The following CHCHD3 variants were observed in gnomAD, a reference collection of about 807,000 sequenced individuals.
CHCHD3 encodes coiled-coil-helix-coiled-coil-helix domain containing 3, also known as MICOS complex subunit MIC19.
CHCHD3 carries 20 observed loss-of-function variants against 38.2 expected under a neutral mutation model. That is an observed-to-expected ratio of 0.52 (90% CI 0.37 to 0.76). The LOEUF (loss-of-function observed/expected upper bound fraction) is 0.76, where lower values mean the gene tolerates loss of function less well. CHCHD3 is among the 30% of genes least tolerant of loss of function. CHCHD3 has a pLI of 0.00. For missense variants in CHCHD3, 245 were observed against 279.2 expected (o/e 0.88, Z 0.87); for synonymous variants, 82 against 100.0 (o/e 0.82, Z 1.07).
intron 4 of CHCHD3, among the ~76,000 whole-genome samples, chr7:132,892,998 C>T (rs892833016): frequency 1.1e-4 from 17 of 152,206 alleles, no homozygotes; most frequent in African/African-American, 1.9e-4. Flanking sequence ...GGAGCCCCCA[C>T]GCAGAGTCCC....
At chr7:132,808,723 G>A (rs1156755402) in intron 6 of CHCHD3, among the ~76,000 whole-genome samples, 1 of 139,550 alleles carries the variant, frequency 7.2e-6, no homozygotes, top group Non-Finnish European at 1.6e-5. Flanking sequence ...TTCTTTTGTT[G>A]TTATTTATTT....
intron 4 of CHCHD3, among the ~76,000 whole-genome samples, chr7:132,970,879 G>A (rs1811596683): frequency 2.0e-5 from 3 of 152,078 alleles, no homozygotes; most frequent in Non-Finnish European, 4.4e-5. Flanking sequence ...GGGAGACCAA[G>A]GCAGAAGGAT....
At chr7:133,073,025 C>T (rs1238315665) in intron 1 of CHCHD3, among the ~76,000 whole-genome samples, 1 of 152,092 alleles carries the variant, frequency 6.6e-6, no homozygotes, top group Non-Finnish European at 1.5e-5. Context: ...CTTTTACCCT[C>T]AGTGCAACAG....
chr7:132,796,974 G>A (rs568803201), intron 6 of CHCHD3, among the ~76,000 whole-genome samples: 33 of 152,214 alleles, frequency 2.2e-4, no homozygotes, highest in African/African-American at 7.2e-4. Flanking sequence ...TCGTTACATT[G>A]CTTCCAAGTG....
chr7:133,035,893 G>C lies in CHCHD3; in HGVS notation c.170-11266C>G. The stretch of plus-strand genomic sequence containing the variant: ...GCCTTGAAGGCCCTCCAGTTTTCAG[G>C]ATACGTGTACAGGGTCCCAGCCGCC... On this transcript the variant is annotated intron_variant, in intron 2 of 7. Transcript: ENST00000262570. This position sits in a 1 kb window ranked among gnomAD's most constrained non-coding sequence, Gnocchi z 4.7. 1 of 1,611,446 alleles carries C rather than the reference G, an allele frequency of 6.2e-7. No homozygotes were observed. Among genetic ancestry groups the C allele is most frequent in the Non-Finnish European group, 8.5e-7 (1 of 1,178,026 alleles).
At chr7:133,005,495 C>T (rs1346025665) in intron 3 of CHCHD3, among the ~76,000 whole-genome samples, 1 of 152,200 alleles carries the variant, frequency 6.6e-6, no homozygotes, top group Non-Finnish European at 1.5e-5. Context: ...AAAATCAGGT[C>T]AGCATACAGA....
intron 4 of CHCHD3, among the ~76,000 whole-genome samples, chr7:132,912,741 G>C (rs573324729): frequency 1.3e-5 from 2 of 152,222 alleles, no homozygotes; most frequent in South Asian, 4.2e-4. Context: ...TTTTAGTAGA[G>C]ACAAGGTTTC....
At chr7:132,967,695 T>C (rs1304478388) in intron 4 of CHCHD3, among the ~76,000 whole-genome samples, 1 of 150,436 alleles carries the variant, frequency 6.6e-6, no homozygotes, top group African/African-American at 2.4e-5. Flanking sequence ...CCAGACATGG[T>C]GGAATGTGCC....
In CHCHD3 at chr7:133,070,230, C is replaced by A. The variant is rs1308359758; in HGVS notation, c.82-1G>T. ...TTCGATCAATCACATTTTCCGAAAG[C>A]TGGAAAAGCAACATCAAAATAAAAT... On this transcript the variant is annotated splice_acceptor_variant, in intron 1 of 7. Coordinates refer to ENST00000262570, the MANE Select transcript of CHCHD3 (RefSeq NM_017812.4). LOFTEE classifies it high-confidence loss of function. The A allele has an allele frequency of 6.2e-7, 1 of 1,611,828 alleles. No homozygotes were observed. The highest frequency in any genetic ancestry group is 8.5e-7 in the Non-Finnish European group (1 of 1,179,334).
At chr7:132,872,556 T>C (rs1465072651) in intron 5 of CHCHD3, among the ~76,000 whole-genome samples, 1 of 152,256 alleles carries the variant, frequency 6.6e-6, no homozygotes, top group African/African-American at 2.4e-5. Context: ...ATTTCCTTAC[T>C]TTCAGCACCT....
intron 5 of CHCHD3, among the ~76,000 whole-genome samples, chr7:132,867,866 T>C (rs1452448503): frequency 6.6e-6 from 1 of 152,150 alleles, no homozygotes; most frequent in African/African-American, 2.4e-5. Context: ...AAATAGGCTA[T>C]GGGAAATGTT....
At chr7:133,048,567 G>A (rs890204166) in intron 2 of CHCHD3, among the ~76,000 whole-genome samples, 5 of 152,088 alleles carry the variant, frequency 3.3e-5, no homozygotes, top group African/African-American at 1.2e-4. Flanking sequence ...GATCATAGCA[G>A]CTAGTTTAGA....
At position 132,919,807 on chromosome 7, in the gene CHCHD3, C is replaced by T. The variant is rs555725164; in HGVS notation, c.370-34062G>A. On this transcript the variant is annotated intron_variant, in intron 4 of 7. Transcript: ENST00000262570. ...CAAACCGTTAACTCCAAATGACTAG[C>T]CCTCTAACACCACTTCTAAAAGACC... 4.6e-5 allele frequency among the ~76,000 whole-genome samples: 7 copies of T among 152,288 alleles called. No homozygotes were observed. The South Asian group carries it at 1.5e-3, about 32-fold the overall frequency.
chr7:132,916,495 T>C (rs75738755), intron 4 of CHCHD3, among the ~76,000 whole-genome samples: 1 of 67,206 alleles, frequency 1.5e-5, no homozygotes, highest in Non-Finnish European at 4.5e-5. Flanking sequence ...AGATATTGAG[T>C]GAGAGAGATG....
At position 132,984,273 on chromosome 7, in the gene CHCHD3, C is replaced by G. The variant is rs1408674739; in HGVS notation, c.252-8987G>C. On this transcript the variant is annotated intron_variant, in intron 3 of 7. Transcript: ENST00000262570. ...GGAGACGGGGTTTCGCTGTGTTGGC[C>G]GGGCTGGTCTCCAGCTCCTAACCGC... is the stretch of plus-strand genomic sequence containing the variant. Among the ~76,000 whole-genome samples the G allele has an allele frequency of 3.3e-5, 5 of 151,688 alleles. No individual in the cohort carries two copies. In the South Asian group the frequency reaches 8.3e-4, roughly 25 times the overall value.
intron 5 of CHCHD3, among the ~76,000 whole-genome samples, chr7:132,867,459 T>C (rs755672924): frequency 1.3e-5 from 2 of 152,216 alleles, no homozygotes; most frequent in Non-Finnish European, 2.9e-5. Flanking sequence ...AATTAGAGAA[T>C]AGTTATTCTT....
At chr7:132,983,633 T>C (rs1811979107) in intron 3 of CHCHD3, among the ~76,000 whole-genome samples, 1 of 152,194 alleles carries the variant, frequency 6.6e-6, no homozygotes, top group African/African-American at 2.4e-5. Flanking sequence ...GTATTTTTCA[T>C]TGTTTATTAC....
intron 4 of CHCHD3, among the ~76,000 whole-genome samples, chr7:132,920,422 G>A (rs1810232125): frequency 1.3e-5 from 2 of 151,780 alleles, no homozygotes; most frequent in South Asian, 2.1e-4. Context: ...AACACTTTGG[G>A]GAAGAAAATA....
At chr7:132,875,565 G>C (rs1039707283) in intron 5 of CHCHD3, among the ~76,000 whole-genome samples, 2 of 152,128 alleles carry the variant, frequency 1.3e-5, no homozygotes, top group Admixed American at 6.5e-5. Flanking sequence ...GTAGTAAAAA[G>C]GTAGTGTTCT....
Sources: allele counts gnomAD v4.1 joint callset (sites outside exome capture counted in the v4.1 genomes callset), GRCh38; gene constraint gnomAD v4.1.1; non-coding constraint Gnocchi (gnomAD v3.1); transcripts MANE v1.5; gene names NCBI Gene and HGNC (gene_info 2026-07-23, HGNC 2026-07-21).